ANO3: variants seen among roughly 807,000 people sequenced by gnomAD.
ANO3 encodes anoctamin-3.
Under a neutral mutation model 144.8 loss-of-function variants are expected in ANO3, and 99 were observed. That is an observed-to-expected ratio of 0.68 (90% CI 0.58 to 0.81). The LOEUF (loss-of-function observed/expected upper bound fraction) is 0.81. ANO3 is among the 30% of genes least tolerant of loss of function. The pLI is 0.00. For synonymous variants in ANO3, 414 were observed against 392.6 expected, an observed-to-expected ratio of 1.05 and a Z score of -0.64; for missense variants, 905 against 1,202.2, an observed-to-expected ratio of 0.75 and a Z score of 3.66.
chr11:26,278,348 A>G (rs181903618), intron 1 of ANO3, among the ~76,000 whole-genome samples: 1 of 152,272 alleles, frequency 6.6e-6, no homozygotes, highest in East Asian at 1.9e-4. Context: ...TACCCTATTA[A>G]ACCAGTATTA....
At chr11:26,390,416 C>T (rs950597021) in intron 1 of ANO3, among the ~76,000 whole-genome samples, 3 of 151,990 alleles carry the variant, frequency 2.0e-5, no homozygotes, top group Admixed American at 2.0e-4. Flanking sequence ...CATCTGACCC[C>T]CTCCCAAAAA....
rs539363735 is a variant in ANO3 at position 26,498,078 on chromosome 11, C to T, written c.433-10026C>T. On this transcript the variant is annotated intron_variant, in intron 4 of 26. Transcript: ENST00000256737. ...CTCAACATATGTACTCTGAGGTGAT[C>T]ACTCTTTCCTGATGATGTCTTTTAG... is the stretch of plus-strand genomic sequence containing the variant. Among the ~76,000 whole-genome samples the T allele has an allele frequency of 4.6e-5, 7 of 152,064 alleles. No homozygotes were observed. In the South Asian group the frequency reaches 1.2e-3, roughly 27 times the overall value.
chr11:26,201,845 T>C (rs973055192), intron 1 of ANO3, among the ~76,000 whole-genome samples: 1 of 150,848 alleles, frequency 6.6e-6, no homozygotes, highest in East Asian at 1.9e-4. Context: ...GTAGAAGAGG[T>C]GTAAGATTTT....
intron 1 of ANO3, among the ~76,000 whole-genome samples, chr11:26,281,797 C>T (rs1256097304): frequency 2.6e-5 from 4 of 152,092 alleles, no homozygotes; most frequent in Non-Finnish European, 5.9e-5. Context: ...TATCTTTGCC[C>T]ATTGTCCTTC....
intron 11 of ANO3, among the ~76,000 whole-genome samples, chr11:26,542,494 C>A (rs1849671979): frequency 6.6e-6 from 1 of 151,884 alleles, no homozygotes; most frequent in African/African-American, 2.4e-5. Flanking sequence ...TGGTCTAGTA[C>A]CTCCTGGCTC....
At chr11:26,579,180 C>T (rs1247450388) in intron 14 of ANO3, among the ~76,000 whole-genome samples, 1 of 152,162 alleles carries the variant, frequency 6.6e-6, no homozygotes, top group Non-Finnish European at 1.5e-5. Flanking sequence ...TTTATTAATG[C>T]TTTCTAAAAA....
chr11:26,337,893 C>T (rs970072897), intron 1 of ANO3, among the ~76,000 whole-genome samples: 2 of 151,996 alleles, frequency 1.3e-5, no homozygotes, highest in Non-Finnish European at 2.9e-5. Context: ...CGAGATTGCA[C>T]CACTGCACTT....
chr11:26,617,503 A>G (rs1458702248), intron 17 of ANO3, among the ~76,000 whole-genome samples: 1 of 152,218 alleles, frequency 6.6e-6, no homozygotes, highest in East Asian at 1.9e-4. Flanking sequence ...CACCAGCTCC[A>G]CTTAATTGAA....
intron 1 of ANO3, among the ~76,000 whole-genome samples, chr11:26,356,227 T>C (rs964545180): frequency 6.6e-6 from 1 of 152,170 alleles, no homozygotes; most frequent in Non-Finnish European, 1.5e-5. Flanking sequence ...TAGATACATA[T>C]GTAAGTAATT....
At chr11:26,557,066 C>T (rs887143007) in intron 13 of ANO3, among the ~76,000 whole-genome samples, 2 of 152,120 alleles carry the variant, frequency 1.3e-5, no homozygotes, top group Non-Finnish European at 1.5e-5. Flanking sequence ...CTCAGTTCTT[C>T]AAGAGAAATC....
chr11:26,295,515 C>CAAAAAAAAAA (rs71047842), intron 1 of ANO3, among the ~76,000 whole-genome samples: 1 of 66,116 alleles, frequency 1.5e-5, no homozygotes, highest in African/African-American at 4.3e-5. Flanking sequence ...GACTCTGTCT[C>CAAAAAAAAAA]AAAAAAAAAA....
intron 1 of ANO3, among the ~76,000 whole-genome samples, chr11:26,288,458 A>T (rs1853859478): frequency 1.3e-5 from 2 of 152,164 alleles, no homozygotes; most frequent in South Asian, 4.1e-4. Context: ...GGACTCTTAA[A>T]TTGTCAGCTT....
intron 1 of ANO3, among the ~76,000 whole-genome samples, chr11:26,414,081 C>CA (rs1391314176): frequency 2.6e-5 from 4 of 151,896 alleles, no homozygotes; most frequent in African/African-American, 9.7e-5. Flanking sequence ...ATTAAAAAGT[C>CA]AAAAAACAAT....
At chr11:26,327,368 C>T (rs1176544131), upstream of ANO3, among the ~76,000 whole-genome samples, 4 of 152,030 alleles carry the variant, frequency 2.6e-5, no homozygotes, top group Admixed American at 1.3e-4. Flanking sequence ...TATTCATGCT[C>T]GATGGAAATT....
At chr11:26,397,185 G>C (rs1857037833) in intron 1 of ANO3, among the ~76,000 whole-genome samples, 1 of 151,882 alleles carries the variant, frequency 6.6e-6, no homozygotes, top group African/African-American at 2.4e-5. Flanking sequence ...GGACATTTTA[G>C]TACTCAGTAC....
rs768194129 is a variant in ANO3, at chr11:26,642,013, T to G, written c.2259T>G (p.Asp753Glu). ...CCATGAACCTTCATGGACTGATGGA[T>G]GAGTACTTAGAAATGGGTAAGGAAA... ...LQPMNLHGLM[D>E]EYLEMVLQFG... Residue 753 changes from aspartate (D) to glutamate (E), a missense_variant, in exon 22 of 27, where the codon GAT (aspartate) becomes GAG (glutamate). This residue lies in a region of ANO3 where 597 missense variants were observed against 865.1 expected (regional missense o/e 0.69). Coordinates refer to ENST00000256737, the MANE Select transcript of ANO3 (RefSeq NM_031418.4). The G allele has an allele frequency of 3.1e-6, 5 of 1,613,348 alleles. No homozygotes were observed. In the East Asian group the frequency reaches 6.7e-5, roughly 22 times the overall value.
chr11:26,407,942 C>A (rs961755491), intron 1 of ANO3, among the ~76,000 whole-genome samples: 3 of 151,876 alleles, frequency 2.0e-5, no homozygotes, highest in African/African-American at 7.3e-5. Context: ...CCCATTTTAT[C>A]TGGTTAATTC....
chr11:26,397,530 G>T (rs1371432527), intron 1 of ANO3, among the ~76,000 whole-genome samples: 1 of 152,020 alleles, frequency 6.6e-6, no homozygotes, highest in Non-Finnish European at 1.5e-5. Context: ...TTGAAAGAAT[G>T]TCACAATATT....
intron 14 of ANO3, among the ~76,000 whole-genome samples, chr11:26,585,224 T>C (rs181252897): frequency 6.6e-6 from 1 of 152,230 alleles, no homozygotes; most frequent in Non-Finnish European, 1.5e-5. Flanking sequence ...GTGAAAATGC[T>C]CCCTAATCCA....
Sources: gnomAD v4.1 joint callset for allele counts (sites outside exome capture counted in the v4.1 genomes callset) on GRCh38, gnomAD v4.1.1 for gene constraint, gnomAD v4.1.1 regional missense constraint, MANE v1.5 for transcripts, NCBI Gene and HGNC (gene_info 2026-07-23, HGNC 2026-07-21) for gene names.